The following MAP3K14 variants were observed in gnomAD, a reference collection of about 807,000 sequenced individuals.
MAP3K14 encodes NF-kappa-beta-inducing kinase.
In MAP3K14, 16 loss-of-function variants were observed where a neutral mutation model predicts 99.2. The observed-to-expected ratio is 0.16, with a 90% CI of 0.11 to 0.24. The LOEUF (loss-of-function observed/expected upper bound fraction) is 0.24, where lower values mean the gene tolerates loss of function less well. Ranked by LOEUF, MAP3K14 falls within the 10% of genes least tolerant of loss-of-function variation. The pLI is 1.00. For missense variants in MAP3K14, 784 were observed against 1,208.7 expected, an observed-to-expected ratio of 0.65 and a Z score of 5.21; for synonymous variants, 462 against 492.4, an observed-to-expected ratio of 0.94 and a Z score of 0.82.
intron 1 of MAP3K14, among the ~76,000 whole-genome samples, chr17:45,305,395 C>CAT (rs2044423207): frequency 7.7e-6 from 1 of 129,564 alleles, no homozygotes; most frequent in African/African-American, 3.1e-5. Context: ...AGCGCCCGGC[C>CAT]GTTTTTTTTT....
chr17:45,293,880 C>T (rs971920719), intron 1 of MAP3K14, among the ~76,000 whole-genome samples: 12 of 152,292 alleles, frequency 7.9e-5, no homozygotes, highest in East Asian at 5.8e-4. Flanking sequence ...TGCTCCCTCC[C>T]TCCTTTCCTA....
chr17:45,295,372 C>T (rs1232854845), intron 1 of MAP3K14, among the ~76,000 whole-genome samples: 2 of 152,114 alleles, frequency 1.3e-5, no homozygotes, highest in Non-Finnish European at 2.9e-5. Flanking sequence ...TCCACATGCT[C>T]AGTGTCCCTT....
At chr17:45,305,499 G>A (rs754841379) in intron 1 of MAP3K14, among the ~76,000 whole-genome samples, 2 of 150,506 alleles carry the variant, frequency 1.3e-5, no homozygotes, top group East Asian at 2.0e-4. Context: ...GAATTCAAGC[G>A]ATTCTTATGC....
intron 15 of MAP3K14, 32 bp from the exon 16 acceptor site, chr17:45,264,832 C>A: frequency 6.2e-7 from 1 of 1,606,494 alleles, no homozygotes; most frequent in East Asian, 2.2e-5. Context: ...GGGCTGAGAT[C>A]ATGGCATAGG....
intron 6 of MAP3K14, among the ~76,000 whole-genome samples, chr17:45,276,351 C>T (rs1422851811): frequency 1.3e-5 from 2 of 152,192 alleles, no homozygotes; most frequent in Admixed American, 6.5e-5. Context: ...CCACATATTT[C>T]CACATGCAAA....
rs745476031 is a variant in MAP3K14, at chr17:45,286,640, C to G, written c.943G>C (p.Gly315Arg). 1 of 1,610,566 alleles carries G rather than the reference C, an allele frequency of 6.2e-7. No individual in the cohort carries two copies. Among genetic ancestry groups the G allele is most frequent in the East Asian group, 2.2e-5 (1 of 44,830 alleles). ...AGGCAGCTGGGCTCCAGGTGTGGGC[C>G]AGGCAGGGGCTTTGGACTGTCTACA... Reference protein sequence around the residue: ...ACVDSPKPLPGPHLEPSCLSR... With the variant: ...ACVDSPKPLPRPHLEPSCLSR... Residue 315 changes from glycine (G) to arginine (R), a missense_variant, in exon 5 of 16, where the codon GGC becomes CGC. Transcript: ENST00000344686. This position sits in a 1 kb window ranked among gnomAD's most constrained non-coding sequence, Gnocchi z 4.1.
chr17:45,269,787 C>T (rs2143780146), intron 11 of MAP3K14, among the ~76,000 whole-genome samples: 2 of 152,322 alleles, frequency 1.3e-5, no homozygotes, highest in South Asian at 2.1e-4. Flanking sequence ...CTATGCATCT[C>T]TTCATTTGTA....
rs369645203 is a variant in MAP3K14, at chr17:45,292,463, C to T, written c.-20-1698G>A. Among the ~76,000 whole-genome samples the T allele has an allele frequency of 5.4e-4, 82 of 152,006 alleles. No homozygotes were observed. In the East Asian group the frequency reaches 7.5e-3, roughly 14 times the overall value. On this transcript the variant is annotated intron_variant, in intron 1 of 15. Coordinates refer to ENST00000344686, the MANE Select transcript of MAP3K14 (RefSeq NM_003954.5). ...GTAGTCCCAGCTACTCTAGAGGCTG[C>T]GGTGGGAGGAATGCTTGAGCCCAGG... is the stretch of plus-strand genomic sequence containing the variant.
At chr17:45,266,811 G>T in intron 13 of MAP3K14, 130 bp from the exon 14 acceptor site, 2 of 975,792 alleles carry the variant, frequency 2.0e-6, no homozygotes, top group East Asian at 2.6e-5. Context: ...TTGCCTCCAT[G>T]GGGGACGAAG....
chr17:45,304,523 T>C (rs1256735417), intron 1 of MAP3K14, among the ~76,000 whole-genome samples: 1 of 152,248 alleles, frequency 6.6e-6, no homozygotes, highest in African/African-American at 2.4e-5. Context: ...TTATATCTTT[T>C]CTCCTGTTTC....
chr17:45,304,567 T>C (rs967342137), intron 1 of MAP3K14, among the ~76,000 whole-genome samples: 1 of 152,244 alleles, frequency 6.6e-6, no homozygotes, highest in East Asian at 1.9e-4. Context: ...ATCAGATAGG[T>C]GGTTTCCAAA....
intron 11 of MAP3K14, among the ~76,000 whole-genome samples, chr17:45,269,102 G>A (rs543961385): frequency 3.9e-4 from 60 of 152,158 alleles, no homozygotes; most frequent in African/African-American, 1.2e-3. Context: ...CTGCAGCCTC[G>A]ACCTTCCAGG....
At chr17:45,268,843 G>A (rs1428757565) in intron 11 of MAP3K14, among the ~76,000 whole-genome samples, 1 of 152,126 alleles carries the variant, frequency 6.6e-6, no homozygotes, top group Non-Finnish European at 1.5e-5. Context: ...GCACCCAGGG[G>A]TAGAAGTCCT....
At chr17:45,303,834 G>A (rs1000430018) in intron 1 of MAP3K14, among the ~76,000 whole-genome samples, 5 of 150,346 alleles carry the variant, frequency 3.3e-5, no homozygotes, top group East Asian at 2.0e-4. Context: ...CAGCCGCCTC[G>A]GCCTCCCAAA....
intron 15 of MAP3K14, 37 bp from the exon 16 acceptor site, chr17:45,264,837 C>T (rs1298499373): frequency 4.4e-6 from 7 of 1,602,044 alleles, no homozygotes; most frequent in Non-Finnish European, 6.0e-6. Context: ...GAGATCATGG[C>T]ATAGGGCTCA....
Position 45,273,490 on chromosome 17 carries a change from T to C in MAP3K14, c.1657+13A>G, listed in dbSNP as rs1005626366. 5.3e-6 allele frequency: 8 copies of C among 1,516,120 alleles called. No homozygotes were observed. Among genetic ancestry groups the C allele is most frequent in the Non-Finnish European group, 7.2e-6 (8 of 1,108,872 alleles). The allele number at this position is 1,516,120 out of a possible 1,614,324, so 93.9% of individuals were successfully genotyped here. On this transcript the variant is annotated intron_variant, in intron 9 of 15. Transcript: ENST00000344686. Reference sequence around the variant, plus strand: ...ATGCATTGGGGGGCACGGCAGTTGGTGGGGGGCCTTACCTGTGAGCAAGGA... The same window carrying C: ...ATGCATTGGGGGGCACGGCAGTTGGCGGGGGGCCTTACCTGTGAGCAAGGA...
chr17:45,274,026 G>T, intron 8 of MAP3K14, 97 bp downstream of exon 8: 1 of 1,427,498 alleles, frequency 7.0e-7, no homozygotes, highest in East Asian at 2.4e-5. Context: ...CCTGCTACTG[G>T]GGATGACCAG....
intron 6 of MAP3K14, 151 bp downstream of exon 6, chr17:45,284,661 C>T: frequency 9.9e-7 from 1 of 1,007,502 alleles, no homozygotes. Context: ...CTTCCAGTTC[C>T]AGCCGACCTC....
chr17:45,295,168 A>C (rs1407041434), intron 1 of MAP3K14, among the ~76,000 whole-genome samples: 1 of 152,206 alleles, frequency 6.6e-6, no homozygotes, highest in African/African-American at 2.4e-5. Context: ...TAGCAAGTAC[A>C]ACATAGTAAA....
Sources: gnomAD v4.1 joint callset for allele counts (sites outside exome capture counted in the v4.1 genomes callset) on GRCh38, gnomAD v4.1.1 for gene constraint, Gnocchi (gnomAD v3.1) non-coding constraint, MANE v1.5 for transcripts, NCBI Gene and HGNC (gene_info 2026-07-23, HGNC 2026-07-21) for gene names.